Variants in LRMDA observed in about 807,000 individuals in gnomAD.
LRMDA encodes leucine-rich melanocyte differentiation-associated protein.
Under a neutral mutation model 29.8 loss-of-function variants are expected in LRMDA, and 18 were observed. The ratio of observed to expected loss-of-function variants is 0.60; its 90% CI spans 0.42 to 0.90. LRMDA has a LOEUF of 0.90. Ranked by LOEUF, LRMDA falls within the 40% of genes least tolerant of loss-of-function variation. LRMDA has a pLI of 0.00. For missense variants in LRMDA, 273 were observed against 273.9 expected, an observed-to-expected ratio of 1.00 and a Z score of 0.02; for synonymous variants, 125 against 109.4, an observed-to-expected ratio of 1.14 and a Z score of -0.89.
At chr10:75,575,846 C>G (rs1283026265) in intron 2 of LRMDA, among the ~76,000 whole-genome samples, 1 of 151,720 alleles carries the variant, frequency 6.6e-6, no homozygotes, top group Non-Finnish European at 1.5e-5. Flanking sequence ...CTGAGCTTTT[C>G]CCGCAGTTTT....
At chr10:75,813,796 GC>G (rs1256218421) in intron 2 of LRMDA, among the ~76,000 whole-genome samples, 3 of 152,168 alleles carry the variant, frequency 2.0e-5, no homozygotes, top group Non-Finnish European at 4.4e-5. Flanking sequence ...ATTAATTCTT[GC>G]TACCTTTCAC....
At chr10:76,108,851 G>A (rs986519895) in intron 5 of LRMDA, among the ~76,000 whole-genome samples, 2 of 152,092 alleles carry the variant, frequency 1.3e-5, no homozygotes, top group Non-Finnish European at 2.9e-5. Context: ...CCTACATTGA[G>A]TATATTTGTC....
At chr10:75,553,134 A>G (rs1203749459) in intron 2 of LRMDA, among the ~76,000 whole-genome samples, 3 of 152,164 alleles carry the variant, frequency 2.0e-5, no homozygotes, top group Non-Finnish European at 4.4e-5. Context: ...TCAATGCCAG[A>G]TAATGCATAT....
At chr10:75,582,938 C>G (rs937955691) in intron 2 of LRMDA, among the ~76,000 whole-genome samples, 1 of 152,230 alleles carries the variant, frequency 6.6e-6, no homozygotes. Flanking sequence ...AGGGCAGGCT[C>G]TTTGTACTCA....
At chr10:75,717,552 G>T (rs975778129) in intron 2 of LRMDA, among the ~76,000 whole-genome samples, 2 of 152,216 alleles carry the variant, frequency 1.3e-5, no homozygotes, top group African/African-American at 4.8e-5. Context: ...TTCTGGGGAT[G>T]CTGTCCTTCG....
At chr10:76,545,641 A>T (rs1331719026) in intron 6 of LRMDA, among the ~76,000 whole-genome samples, 2 of 58,538 alleles carry the variant, frequency 3.4e-5, no homozygotes, top group Admixed American at 2.7e-4. Flanking sequence ...ACAACCTTTT[A>T]TTATTATTAT....
intron 2 of LRMDA, among the ~76,000 whole-genome samples, chr10:75,653,749 C>G (rs1038877596): frequency 2.0e-5 from 3 of 152,176 alleles, no homozygotes; most frequent in Admixed American, 2.0e-4. Flanking sequence ...GTTTATAACT[C>G]TAAGTATGAT....
chr10:76,162,507 C>T (rs544637887), intron 5 of LRMDA, among the ~76,000 whole-genome samples: 17 of 152,110 alleles, frequency 1.1e-4, no homozygotes, highest in South Asian at 2.1e-4. Context: ...ACACAGCCAT[C>T]GGCTTCTGGG....
rs80292563 is a variant in LRMDA at position 76,277,031 on chromosome 10, C to A, written c.517-47370C>A. 6.1e-3 allele frequency among the ~76,000 whole-genome samples: 936 copies of A among 152,278 alleles called. 3 individuals carry two copies. Among genetic ancestry groups the A allele is most frequent in the African/African-American group, 0.022 (895 of 41,576 alleles). On this transcript the variant is annotated intron_variant, in intron 5 of 6. Coordinates refer to ENST00000611255, the MANE Select transcript of LRMDA (RefSeq NM_001305581.2). ...TCCAAATGCACAGCTCAGAGATGAGCTGGGAACTTGTGTAGTTTCATATAC... is the reference window on the plus strand; with the variant it reads ...TCCAAATGCACAGCTCAGAGATGAGATGGGAACTTGTGTAGTTTCATATAC...
At chr10:76,197,993 G>A (rs974328462) in intron 5 of LRMDA, among the ~76,000 whole-genome samples, 1 of 152,064 alleles carries the variant, frequency 6.6e-6, no homozygotes, top group Non-Finnish European at 1.5e-5. Flanking sequence ...TTGTCCTTGG[G>A]GCCTCCTGAA....
chr10:75,728,533 G>C (rs1842658032), intron 2 of LRMDA, among the ~76,000 whole-genome samples: 2 of 150,876 alleles, frequency 1.3e-5, no homozygotes, highest in African/African-American at 4.9e-5. Flanking sequence ...CCTCAAGAAG[G>C]GCAGAAAAGA....
chr10:76,513,094 T>G lies in LRMDA; in HGVS notation c.602-44115T>G, dbSNP rs147435282. Reference sequence around the variant, plus strand: ...ATGGTAACTCTTTATTACATATAGATCAATGTAATAAATTTATGTTTAAAC... The same window carrying G: ...ATGGTAACTCTTTATTACATATAGAGCAATGTAATAAATTTATGTTTAAAC... On this transcript the variant is annotated intron_variant, in intron 6 of 6. Coordinates refer to ENST00000611255, the MANE Select transcript of LRMDA (RefSeq NM_001305581.2). 6.6e-4 allele frequency among the ~76,000 whole-genome samples: 101 copies of G among 152,216 alleles called. 1 individual carries two copies. In the East Asian group the frequency reaches 0.017, roughly 25 times the overall value.
At chr10:76,147,019 C>A (rs1472742254) in intron 5 of LRMDA, among the ~76,000 whole-genome samples, 1 of 152,228 alleles carries the variant, frequency 6.6e-6, no homozygotes, top group Non-Finnish European at 1.5e-5. Context: ...GGTCCCCACT[C>A]TCTTCTGGCT....
intron 5 of LRMDA, among the ~76,000 whole-genome samples, chr10:76,171,130 C>T (rs752230110): frequency 2.0e-5 from 3 of 152,134 alleles, no homozygotes; most frequent in East Asian, 3.9e-4. Flanking sequence ...TTTTAAAACC[C>T]CTTGTCCCTA....
At chr10:76,387,473 C>T (rs949275112) in intron 6 of LRMDA, among the ~76,000 whole-genome samples, 1 of 151,720 alleles carries the variant, frequency 6.6e-6, no homozygotes, top group African/African-American at 2.4e-5. Context: ...TGGTGGTGCA[C>T]GTGCGTGTAA....
At chr10:75,867,616 CA>C (rs1845042556) in intron 2 of LRMDA, among the ~76,000 whole-genome samples, 1 of 152,170 alleles carries the variant, frequency 6.6e-6, no homozygotes, top group Non-Finnish European at 1.5e-5. Flanking sequence ...AAAGGAACCC[CA>C]AAGCACCCAG....
intron 2 of LRMDA, among the ~76,000 whole-genome samples, chr10:75,863,829 C>T (rs1844975097): frequency 6.6e-6 from 1 of 152,148 alleles, no homozygotes; most frequent in Non-Finnish European, 1.5e-5. Flanking sequence ...GCTTGGGTAT[C>T]CTCTAGACAA....
intron 6 of LRMDA, among the ~76,000 whole-genome samples, chr10:76,453,959 C>T (rs962618108): frequency 3.9e-5 from 6 of 152,158 alleles, no homozygotes; most frequent in African/African-American, 1.4e-4. Flanking sequence ...AAGTTCATGT[C>T]GTGAACGTTT....
At chr10:76,092,806 A>G (rs927870723) in intron 5 of LRMDA, among the ~76,000 whole-genome samples, 1 of 152,214 alleles carries the variant, frequency 6.6e-6, no homozygotes, top group Non-Finnish European at 1.5e-5. Flanking sequence ...GCAGGGCCCA[A>G]TAGGTACACA....
Sources: gnomAD v4.1 joint callset for allele counts (sites outside exome capture counted in the v4.1 genomes callset) on GRCh38, gnomAD v4.1.1 for gene constraint, MANE v1.5 for transcripts, NCBI Gene and HGNC (gene_info 2026-07-23, HGNC 2026-07-21) for gene names.